The following ROBO2 variants were observed in gnomAD, a reference collection of about 807,000 sequenced individuals.
The protein encoded by ROBO2 is roundabout homolog 2.
Under a neutral mutation model 160.8 loss-of-function variants are expected in ROBO2, and 53 were observed. That is an observed-to-expected ratio of 0.33 (90% CI 0.26 to 0.41). The LOEUF (loss-of-function observed/expected upper bound fraction) is 0.41, where lower values mean the gene tolerates loss of function less well. Among genes scored for constraint, ROBO2 ranks in the 10% least tolerant of loss-of-function variants. The probability of loss-of-function intolerance (pLI) is 1.00; values close to 1 mark genes in which losing one functional copy is unlikely to be tolerated. For missense variants in ROBO2, 1,577 were observed against 1,722.4 expected (o/e 0.92, Z 1.49); for synonymous variants, 664 against 611.7 (o/e 1.09, Z -1.26).
At chr3:77,464,956 T>C (rs1300227970) in intron 2 of ROBO2, among the ~76,000 whole-genome samples, 1 of 152,238 alleles carries the variant, frequency 6.6e-6, no homozygotes, top group Non-Finnish European at 1.5e-5. Context: ...TGAATCTGTA[T>C]ATAACATTTG....
chr3:76,491,748 C>G (rs2079836725), intron 2 of ROBO2, among the ~76,000 whole-genome samples: 1 of 152,034 alleles, frequency 6.6e-6, no homozygotes, highest in Non-Finnish European at 1.5e-5. Context: ...TTATATTCTC[C>G]CCTCTTTTCC....
chr3:77,553,564 T>A (rs1559600043), intron 8 of ROBO2, among the ~76,000 whole-genome samples: 1 of 151,904 alleles, frequency 6.6e-6, no homozygotes, highest in Admixed American at 6.6e-5. Flanking sequence ...AAGTTATGCA[T>A]GCAAAGGAAA....
At chr3:77,293,497 C>A (rs1272007567) in intron 2 of ROBO2, among the ~76,000 whole-genome samples, 3 of 136,944 alleles carry the variant, frequency 2.2e-5, no homozygotes, top group Admixed American at 7.4e-5. Flanking sequence ...TAGATCACCC[C>A]AGACATAAAG....
intron 2 of ROBO2, among the ~76,000 whole-genome samples, chr3:76,621,191 G>T (rs1162191879): frequency 6.8e-6 from 1 of 147,182 alleles, no homozygotes; most frequent in Non-Finnish European, 1.5e-5. Flanking sequence ...TTATTAAATG[G>T]TTGTATGTTA....
exon 26 of ROBO2, chr3:77,647,175 A>C: frequency 6.6e-6 from 1 of 152,510 alleles, no homozygotes; most frequent in East Asian, 1.9e-4. Context: ...TACAGTGCAC[A>C]CTAGAGGATA....
At chr3:77,486,240 G>T (rs1438062337) in intron 4 of ROBO2, among the ~76,000 whole-genome samples, 3 of 152,028 alleles carry the variant, frequency 2.0e-5, no homozygotes, top group Non-Finnish European at 4.4e-5. Flanking sequence ...ATGAACATAC[G>T]TGTGCATATC....
intron 2 of ROBO2, among the ~76,000 whole-genome samples, chr3:76,007,687 A>T (rs1201001479): frequency 6.6e-6 from 1 of 152,192 alleles, no homozygotes; most frequent in Non-Finnish European, 1.5e-5. Flanking sequence ...AGGGTATCCC[A>T]TGAGTAACTA....
chr3:76,903,213 C>G (rs2075353440), intron 2 of ROBO2, among the ~76,000 whole-genome samples: 2 of 152,078 alleles, frequency 1.3e-5, no homozygotes, highest in Non-Finnish European at 2.9e-5. Flanking sequence ...TAACTTTTTG[C>G]ATCTTTATCA....
intron 2 of ROBO2, among the ~76,000 whole-genome samples, chr3:76,892,537 A>T (rs990802130): frequency 9.9e-5 from 15 of 152,056 alleles, no homozygotes; most frequent in African/African-American, 3.6e-4. Context: ...CACTGCCTTC[A>T]GGTGTCTTTT....
At chr3:77,271,112 A>C (rs757713136) in intron 2 of ROBO2, among the ~76,000 whole-genome samples, 4 of 151,916 alleles carry the variant, frequency 2.6e-5, no homozygotes, top group Non-Finnish European at 2.9e-5. Flanking sequence ...ATATGTTATC[A>C]TTATTTTGTA....
chr3:77,098,076 G>A (rs778684665), exon 2 of ROBO2: 4 of 1,599,814 alleles, frequency 2.5e-6, no homozygotes, highest in Middle Eastern at 1.7e-4. Flanking sequence ...CGATGTCATC[G>A]TCTCTAAGGG....
intron 2 of ROBO2, among the ~76,000 whole-genome samples, chr3:76,845,129 C>T (rs567410657): frequency 2.0e-5 from 3 of 151,936 alleles, no homozygotes; most frequent in Non-Finnish European, 2.9e-5. Context: ...AAAGTTAAAT[C>T]GCCAAATACC....
In ROBO2 at chr3:76,513,754, T is replaced by G. The variant is rs1008936817; in HGVS notation, c.109+576152T>G. On this transcript the variant is annotated intron_variant, in intron 2 of 26. Transcript: ENST00000487694. The stretch of plus-strand genomic sequence containing the variant: ...AGTATAATAAACTCCATATGTCCAC[T>G]ACCCAGTTTAAACAACTATCAGACT... Among the ~76,000 whole-genome samples the G allele has an allele frequency of 2.6e-5, 4 of 152,330 alleles. No individual in the cohort carries two copies. The South Asian group carries it at 8.3e-4, about 32-fold the overall frequency.
chr3:77,252,767 C>A lies in ROBO2; in HGVS notation c.388+154427C>A, dbSNP rs1376689614. Among the ~76,000 whole-genome samples the A allele has an allele frequency of 3.0e-5, 4 of 132,370 alleles. No individual in the cohort carries two copies. The East Asian group carries it at 8.5e-4, about 28-fold the overall frequency. 86.8% of individuals were successfully genotyped at this position (132,370 alleles called of 152,430 possible). On this transcript the variant is annotated intron_variant, in intron 2 of 25. Transcript: ENST00000461745. ...AGCTTGCAGTGAGCCGAGATCGCGC[C>A]CCTGCACTCCAGCCTGGGCAGCAGA...
intron 2 of ROBO2, among the ~76,000 whole-genome samples, chr3:76,349,117 A>G (rs1335452265): frequency 6.6e-6 from 1 of 152,136 alleles, no homozygotes; most frequent in Non-Finnish European, 1.5e-5. Context: ...AACTCTGCAT[A>G]AGTGTCTATT....
intron 2 of ROBO2, among the ~76,000 whole-genome samples, chr3:76,802,382 C>T (rs1378331550): frequency 6.6e-6 from 1 of 152,088 alleles, no homozygotes; most frequent in African/African-American, 2.4e-5. Flanking sequence ...ATTCATAGTA[C>T]CTGGCCTTCC....
At chr3:77,314,345 G>C (rs1367611189) in intron 2 of ROBO2, among the ~76,000 whole-genome samples, 3 of 152,128 alleles carry the variant, frequency 2.0e-5, no homozygotes, top group African/African-American at 7.2e-5. Context: ...CATATTTTAA[G>C]TATTGACTTT....
intron 2 of ROBO2, among the ~76,000 whole-genome samples, chr3:77,112,763 G>A (rs2073792231): frequency 6.6e-6 from 1 of 152,150 alleles, no homozygotes; most frequent in Non-Finnish European, 1.5e-5. Flanking sequence ...TGTGCCATAC[G>A]GTGATTATGC....
At chr3:77,573,665 CA>C (rs2093691870) in intron 13 of ROBO2, among the ~76,000 whole-genome samples, 1 of 152,006 alleles carries the variant, frequency 6.6e-6, no homozygotes, top group East Asian at 1.9e-4. Flanking sequence ...TTTCCAGCCA[CA>C]GGGACTTTAT....
Sources: allele counts gnomAD v4.1 joint callset (sites outside exome capture counted in the v4.1 genomes callset), GRCh38; gene constraint gnomAD v4.1.1; transcripts MANE v1.5; gene names NCBI Gene and HGNC (gene_info 2026-07-23, HGNC 2026-07-21).